The following WEE2 variants were observed in gnomAD, a reference collection of about 807,000 sequenced individuals.
WEE2 encodes wee1-like protein kinase 2.
Under a neutral mutation model 60.1 loss-of-function variants are expected in WEE2, and 50 were observed. That is an observed-to-expected ratio of 0.83 (90% CI 0.66 to 1.05). The LOEUF (loss-of-function observed/expected upper bound fraction) is 1.05, where lower values mean the gene tolerates loss of function less well. Ranked by LOEUF, WEE2 falls within the 50% of genes least tolerant of loss-of-function variation. The pLI is 0.00. For synonymous variants in WEE2, 240 were observed against 241.0 expected (o/e 1.00, Z 0.04); for missense variants, 631 against 684.3 (o/e 0.92, Z 0.87).
At chr7:141,729,987 C>T (rs1026862477) in intron 11 of WEE2, among the ~76,000 whole-genome samples, 14 of 115,104 alleles carry the variant, frequency 1.2e-4, no homozygotes, top group Admixed American at 1.8e-4. Context: ...GACTCTGTAT[C>T]TAAAAAAAAA....
At position 141,727,447 on chromosome 7, in the gene WEE2, G is replaced by A; in HGVS notation, c.1535+1G>A. On this transcript the variant is annotated splice_donor_variant, in intron 10 of 11. Transcript: ENST00000397541. LOFTEE classifies it high-confidence loss of function. Reference sequence around the variant, plus strand: ...AGTTCAAGACTGCCACACTGGAAAGGTATATTTTTGGATGATGGGGGGTCA... The same window carrying A: ...AGTTCAAGACTGCCACACTGGAAAGATATATTTTTGGATGATGGGGGGTCA... 6.2e-7 allele frequency: 1 copy of A among 1,613,948 alleles called. No individual in the cohort carries two copies. The highest frequency in any genetic ancestry group is 8.5e-7 in the Non-Finnish European group (1 of 1,179,914).
chr7:141,714,678 T>TG (rs1444917316), intron 2 of WEE2, among the ~76,000 whole-genome samples: 2 of 152,226 alleles, frequency 1.3e-5, no homozygotes, highest in Non-Finnish European at 2.9e-5. Flanking sequence ...ATTAGGAAGT[T>TG]GAGTGGGCTA....
intron 1 of WEE2, among the ~76,000 whole-genome samples, chr7:141,709,604 C>G (rs576220809): frequency 9.2e-4 from 140 of 152,296 alleles, no homozygotes; most frequent in African/African-American, 3.2e-3. Flanking sequence ...AACGTCCACA[C>G]TCACTGTTTG....
chr7:141,725,627 A>G (rs1799003065), intron 9 of WEE2, among the ~76,000 whole-genome samples: 1 of 147,850 alleles, frequency 6.8e-6, no homozygotes. Flanking sequence ...TCCGTCTCAA[A>G]AAAAAAAAAA....
intron 1 of WEE2, 130 bp from the exon 2 acceptor site, chr7:141,714,079 C>G: frequency 1.4e-6 from 1 of 700,622 alleles, no homozygotes; most frequent in Admixed American, 2.9e-5. Flanking sequence ...GCAACCAGTT[C>G]ACATGGAACC....
chr7:141,718,990 C>T (rs988358366), intron 3 of WEE2, 82 bp from the exon 4 acceptor site: 1 of 1,401,036 alleles, frequency 7.1e-7, no homozygotes, highest in Admixed American at 2.0e-5. Context: ...CTTGGAGCAA[C>T]TTAGGACTGT....
chr7:141,713,575 A>G (rs1405776641), intron 1 of WEE2, among the ~76,000 whole-genome samples: 1 of 152,136 alleles, frequency 6.6e-6, no homozygotes, highest in Non-Finnish European at 1.5e-5. Flanking sequence ...CTAATTTTCA[A>G]TCTCATTACC....
rs770982387 is a variant in WEE2 at position 141,729,602 on chromosome 7, G to A, written c.1607G>A (p.Gly536Glu). Residue 536 changes from glycine (G) to glutamate (E), a missense_variant, in exon 11 of 12, where the codon GGG becomes GAG. Gly to Glu is a moderately conservative substitution (Grantham distance 98). Transcript: ENST00000397541. ...CATCATGGTGACACTGGGGTCTCTG[G>A]GACCCACACAGGATCAAGAAGCACA... ...YTHHGDTGVS[G>E]THTGSRSTKR... 6.2e-7 allele frequency: 1 copy of A among 1,614,134 alleles called. No homozygotes were observed. Among genetic ancestry groups the A allele is most frequent in the Admixed American group, 1.7e-5 (1 of 60,022 alleles).
intron 10 of WEE2, 91 bp downstream of exon 10, chr7:141,727,537 A>G: frequency 6.7e-7 from 1 of 1,487,078 alleles, no homozygotes; most frequent in South Asian, 1.3e-5. Context: ...TGTGGATTCA[A>G]GTATAAATAT....
At chr7:141,725,258 T>A in intron 9 of WEE2, 62 bp downstream of exon 9, 1 of 1,541,568 alleles carries the variant, frequency 6.5e-7, no homozygotes, top group African/African-American at 1.4e-5. Context: ...CGATGGCAAC[T>A]AGTTGGGCAA....
chr7:141,727,757 G>A, intron 10 of WEE2: 2 of 297,964 alleles, frequency 6.7e-6, no homozygotes, highest in Non-Finnish European at 1.2e-5. Flanking sequence ...CTTAGTAACT[G>A]GTTGGTGATC....
intron 3 of WEE2, among the ~76,000 whole-genome samples, chr7:141,718,126 T>C (rs2117111256): frequency 6.6e-6 from 1 of 152,230 alleles, no homozygotes; most frequent in South Asian, 2.1e-4. Flanking sequence ...CTGATGAAAG[T>C]GACCAGAATT....
intron 2 of WEE2, among the ~76,000 whole-genome samples, chr7:141,715,828 T>C (rs1366636069): frequency 6.6e-6 from 1 of 152,226 alleles, no homozygotes; most frequent in Non-Finnish European, 1.5e-5. Flanking sequence ...AACCTCTCTC[T>C]GTCTTGGTTT....
At chr7:141,725,742 A>AT (rs1384918110) in intron 9 of WEE2, among the ~76,000 whole-genome samples, 2 of 152,036 alleles carry the variant, frequency 1.3e-5, no homozygotes, top group Non-Finnish European at 2.9e-5. Flanking sequence ...TGTTACAAAC[A>AT]TTTTTTCATT....
Position 141,729,638 on chromosome 7 carries a change from TG to T in WEE2, c.1646del (p.Gly549GlufsTer52). On this transcript the variant is annotated frameshift_variant, in exon 11 of 12. Transcript: ENST00000397541. LOFTEE classifies it high-confidence loss of function. ...GGATCAAGAAGCACAAAACGCCTGG[TG>T]GGAGGAAAGAGTGCAAGGTCTTCAA... is the stretch of plus-strand genomic sequence containing the variant. ...HTGSRSTKRL[V>X]GGKSARSSSF... The T allele has an allele frequency of 6.2e-7, 1 of 1,613,906 alleles. No homozygotes were observed. The highest frequency in any genetic ancestry group is 8.5e-7 in the Non-Finnish European group (1 of 1,179,966).
At chr7:141,718,029 A>G (rs1045511536) in intron 3 of WEE2, among the ~76,000 whole-genome samples, 1 of 152,206 alleles carries the variant, frequency 6.6e-6, no homozygotes, top group Admixed American at 6.5e-5. Context: ...GAAGAGTTAA[A>G]GAGAGGGCTG....
chr7:141,711,453 T>C lies in WEE2; in HGVS notation c.342+2353T>C, dbSNP rs1437760521. ...AGGAAAGAGGCTTGATGGCTGATCATTGTTATGCAGAAGACAAAGCTGCAT... is the reference window on the plus strand; with the variant it reads ...AGGAAAGAGGCTTGATGGCTGATCACTGTTATGCAGAAGACAAAGCTGCAT... On this transcript the variant is annotated intron_variant, in intron 1 of 11. Transcript: ENST00000397541. This position sits in a 1 kb window ranked among gnomAD's most constrained non-coding sequence, Gnocchi z 4.2. Among the ~76,000 whole-genome samples, 2 of 152,172 alleles carry C rather than the reference T, an allele frequency of 1.3e-5. No individual in the cohort carries two copies. Among genetic ancestry groups the C allele is most frequent in the Non-Finnish European group, 2.9e-5 (2 of 68,030 alleles).
intron 10 of WEE2, among the ~76,000 whole-genome samples, chr7:141,728,666 T>C (rs1471563329): frequency 1.3e-5 from 2 of 152,182 alleles, no homozygotes; most frequent in Non-Finnish European, 2.9e-5. Flanking sequence ...TGAAATTGTC[T>C]AGACCAGGGG....
At chr7:141,730,030 C>T (rs920942770) in intron 11 of WEE2, among the ~76,000 whole-genome samples, 1 of 150,946 alleles carries the variant, frequency 6.6e-6, no homozygotes, top group Non-Finnish European at 1.5e-5. Context: ...CACCAGCCAA[C>T]CTTTTACTGT....
Sources: allele counts gnomAD v4.1 joint callset (sites outside exome capture counted in the v4.1 genomes callset), GRCh38; gene constraint gnomAD v4.1.1; non-coding constraint Gnocchi (gnomAD v3.1); transcripts MANE v1.5; gene names NCBI Gene and HGNC (gene_info 2026-07-23, HGNC 2026-07-21).